Variants in CSMD1 observed in about 807,000 individuals in gnomAD.
CSMD1 encodes the protein CUB and sushi domain-containing protein 1.
Under a neutral mutation model 417.5 loss-of-function variants are expected in CSMD1, and 213 were observed. That is an observed-to-expected ratio of 0.51 (90% CI 0.46 to 0.57). CSMD1 has a LOEUF of 0.57. Ranked by LOEUF, CSMD1 falls within the 20% of genes least tolerant of loss-of-function variation. CSMD1 has a pLI of 0.00. For synonymous variants in CSMD1, 2,862 were observed against 1,736.8 expected (o/e 1.65, Z -16.11); for missense variants, 6,923 against 4,529.7 (o/e 1.53, Z -15.17).
intron 5 of CSMD1, among the ~76,000 whole-genome samples, chr8:3,878,219 G>A (rs1805960016): frequency 6.6e-6 from 1 of 152,100 alleles, no homozygotes; most frequent in African/African-American, 2.4e-5. Context: ...CTAATATCAA[G>A]TAGTGAGAAG....
chr8:4,783,980 C>T (rs1198629860), intron 1 of CSMD1, among the ~76,000 whole-genome samples: 2 of 152,160 alleles, frequency 1.3e-5, no homozygotes, highest in African/African-American at 4.8e-5. Context: ...GGATGAGGTG[C>T]ATGGCTACAA....
At chr8:3,811,645 C>T (rs1046154673) in intron 5 of CSMD1, among the ~76,000 whole-genome samples, 39 of 152,086 alleles carry the variant, frequency 2.6e-4, no homozygotes, top group African/African-American at 9.4e-4. Flanking sequence ...TCAGGCCATT[C>T]CTTGCCACCA....
chr8:4,035,616 T>G (rs867030207), intron 3 of CSMD1, among the ~76,000 whole-genome samples: 4 of 152,136 alleles, frequency 2.6e-5, no homozygotes, highest in South Asian at 2.1e-4. Context: ...GTTTAAAAAG[T>G]AAGAACATAT....
intron 33 of CSMD1, among the ~76,000 whole-genome samples, chr8:3,193,251 T>C (rs1796519867): frequency 6.6e-6 from 1 of 152,250 alleles, no homozygotes; most frequent in Non-Finnish European, 1.5e-5. Context: ...CAAGTCACTA[T>C]TAACTTTCTT....
intron 1 of CSMD1, among the ~76,000 whole-genome samples, chr8:4,827,723 G>T (rs754565460): frequency 7.2e-5 from 11 of 152,064 alleles, no homozygotes; most frequent in East Asian, 1.9e-4. Flanking sequence ...GATCTAAAAA[G>T]AATGTGTTTT....
intron 2 of CSMD1, among the ~76,000 whole-genome samples, chr8:4,462,732 G>GA (rs1306385456): frequency 6.6e-6 from 1 of 151,976 alleles, no homozygotes; most frequent in Non-Finnish European, 1.5e-5. Context: ...AAACAATCAA[G>GA]AAAAAAATAG....
intron 3 of CSMD1, among the ~76,000 whole-genome samples, chr8:4,149,500 G>A (rs1346739165): frequency 6.6e-6 from 1 of 152,180 alleles, no homozygotes; most frequent in South Asian, 2.1e-4. Context: ...CTGGAATCTT[G>A]ACTGTAAATA....
chr8:4,226,915 T>C (rs1359524999), intron 3 of CSMD1, among the ~76,000 whole-genome samples: 1 of 152,232 alleles, frequency 6.6e-6, no homozygotes, highest in Non-Finnish European at 1.5e-5. Context: ...TTGTTGTTGT[T>C]GTCACTTTCT....
chr8:4,458,590 G>C (rs1799624867), intron 2 of CSMD1, among the ~76,000 whole-genome samples: 1 of 151,254 alleles, frequency 6.6e-6, no homozygotes, highest in South Asian at 2.1e-4. Flanking sequence ...TAAATACAAG[G>C]AAAAAAAAGA....
intron 5 of CSMD1, among the ~76,000 whole-genome samples, chr8:3,977,361 G>T (rs1198747470): frequency 6.6e-6 from 1 of 152,072 alleles, no homozygotes; most frequent in Non-Finnish European, 1.5e-5. Flanking sequence ...TCAAGTAGAA[G>T]GCACTCAATA....
chr8:3,399,074 T>C (rs1332272147), intron 16 of CSMD1, among the ~76,000 whole-genome samples: 1 of 152,066 alleles, frequency 6.6e-6, no homozygotes, highest in Non-Finnish European at 1.5e-5. Context: ...GGTTTCCATG[T>C]GCAATCAGAC....
intron 3 of CSMD1, among the ~76,000 whole-genome samples, chr8:4,147,202 A>G (rs760737874): frequency 6.6e-5 from 10 of 151,712 alleles, no homozygotes; most frequent in African/African-American, 9.7e-5. Flanking sequence ...CCCTCACACA[A>G]CTACTGAAAA....
chr8:3,863,735 TC>T (rs918632829), intron 5 of CSMD1, among the ~76,000 whole-genome samples: 3 of 152,242 alleles, frequency 2.0e-5, no homozygotes, highest in African/African-American at 7.2e-5. Context: ...GATTTTGTTT[TC>T]ATTTCAAATG....
chr8:4,233,362 T>C (rs1029739878), intron 3 of CSMD1, among the ~76,000 whole-genome samples: 5 of 152,324 alleles, frequency 3.3e-5, no homozygotes, highest in African/African-American at 9.6e-5. Flanking sequence ...CATTAGTTTT[T>C]CTCAGTGACT....
At chr8:4,289,860 T>A (rs994887270) in intron 3 of CSMD1, among the ~76,000 whole-genome samples, 3 of 152,318 alleles carry the variant, frequency 2.0e-5, no homozygotes, top group Non-Finnish European at 4.4e-5. Context: ...ATTCAAAGTG[T>A]ATTTGCTACA....
At chr8:3,894,377 G>A (rs1807208833) in intron 5 of CSMD1, among the ~76,000 whole-genome samples, 1 of 151,992 alleles carries the variant, frequency 6.6e-6, no homozygotes, top group African/African-American at 2.4e-5. Context: ...CAACTCAAGG[G>A]GAGACACATC....
At chr8:4,927,877 C>T (rs1168387624) in intron 1 of CSMD1, among the ~76,000 whole-genome samples, 1 of 152,128 alleles carries the variant, frequency 6.6e-6, no homozygotes, top group Non-Finnish European at 1.5e-5. Context: ...CCAAGATTCC[C>T]CAAAGATCCC....
chr8:4,701,353 C>T (rs1435740023), intron 1 of CSMD1, among the ~76,000 whole-genome samples: 2 of 150,562 alleles, frequency 1.3e-5, no homozygotes, highest in Non-Finnish European at 3.0e-5. Flanking sequence ...GAACTTACTA[C>T]TCCTTTGTTT....
intron 3 of CSMD1, among the ~76,000 whole-genome samples, chr8:4,192,845 C>A (rs574521048): frequency 4.3e-4 from 66 of 152,316 alleles, no homozygotes; most frequent in African/African-American, 1.5e-3. Context: ...AGCCCAAGAT[C>A]ACTCATGTTC....
Sources: gnomAD v4.1 joint callset for allele counts (sites outside exome capture counted in the v4.1 genomes callset) on GRCh38, gnomAD v4.1.1 for gene constraint, MANE v1.5 for transcripts, NCBI Gene and HGNC (gene_info 2026-07-23, HGNC 2026-07-21) for gene names.